CYB5R3: variants seen among roughly 807,000 people sequenced by gnomAD.
CYB5R3 encodes the protein NADH-cytochrome b5 reductase 3.
In CYB5R3, 28 loss-of-function variants were observed where a neutral mutation model predicts 36.5. That is an observed-to-expected ratio of 0.77 (90% CI 0.57 to 1.05). The LOEUF (loss-of-function observed/expected upper bound fraction) is 1.05, where lower values mean the gene tolerates loss of function less well. CYB5R3 is among the 50% of genes least tolerant of loss of function. CYB5R3 has a pLI of 0.00. For missense variants in CYB5R3, 474 were observed against 408.9 expected, an observed-to-expected ratio of 1.16 and a Z score of -1.37; for synonymous variants, 181 against 159.8, an observed-to-expected ratio of 1.13 and a Z score of -1.00.
At chr22:42,627,758 G>C (rs757383164) in intron 5 of CYB5R3, 70 bp from the exon 6 acceptor site, 2 of 1,210,452 alleles carry the variant, frequency 1.7e-6, no homozygotes, top group East Asian at 2.3e-5. Context: ...AGGCTGGAGA[G>C]GGGGCTGGAG....
chr22:42,646,003 T>G (rs1569328846), intron 1 of CYB5R3, among the ~76,000 whole-genome samples: 1 of 152,060 alleles, frequency 6.6e-6, no homozygotes, highest in Non-Finnish European at 1.5e-5. Flanking sequence ...GGGCGAAGGT[T>G]TCACCTCCAG....
At chr22:42,634,195 T>TAA (rs1928760150) in intron 2 of CYB5R3, among the ~76,000 whole-genome samples, 1 of 129,396 alleles carries the variant, frequency 7.7e-6, no homozygotes, top group African/African-American at 3.0e-5. Context: ...CTACTAAAAA[T>TAA]ACAAAAAAAA....
At chr22:42,630,572 C>T (rs1928555495) in intron 4 of CYB5R3, among the ~76,000 whole-genome samples, 1 of 152,246 alleles carries the variant, frequency 6.6e-6, no homozygotes, top group African/African-American at 2.4e-5. Flanking sequence ...TTGCCCTGAA[C>T]CCTGGCCCCT....
rs1927837023 is a variant in CYB5R3 at position 42,619,525 on chromosome 22, G to A, written c.*248C>T. ...GGTCATGAGGACAGGGATGGGGCTG[G>A]GCGTCTCTGGTAAGGACCAGTAAGT... On this transcript the variant is annotated 3_prime_UTR_variant, in exon 9 of 9. Transcript: ENST00000352397. 2 of 566,520 alleles carry A rather than the reference G, an allele frequency of 3.5e-6. No individual in the cohort carries two copies. The highest frequency in any genetic ancestry group is 2.0e-5 in the South Asian group (1 of 48,874). 35.1% of individuals were successfully genotyped at this position (566,520 alleles called of 1,614,324 possible).
chr22:42,631,595 G>T, intron 2 of CYB5R3, 145 bp from the exon 3 acceptor site: 3 of 749,782 alleles, frequency 4.0e-6, no homozygotes, highest in South Asian at 1.5e-5. Flanking sequence ...ACGTGACGCC[G>T]ACGCCAAGCA....
At chr22:42,630,850 C>G in intron 4 of CYB5R3, 32 bp downstream of exon 4, 1 of 1,574,352 alleles carries the variant, frequency 6.4e-7, no homozygotes. Flanking sequence ...CCCACCCACA[C>G]CCCCTCCACA....
intron 8 of CYB5R3, among the ~76,000 whole-genome samples, chr22:42,622,810 G>T (rs2146865924): frequency 6.6e-6 from 1 of 152,374 alleles, no homozygotes. Flanking sequence ...GGAAACTGTG[G>T]GGCCGTAGGA....
intron 1 of CYB5R3, among the ~76,000 whole-genome samples, chr22:42,638,804 G>A (rs1016808448): frequency 2.0e-5 from 3 of 149,112 alleles, no homozygotes; most frequent in Admixed American, 6.8e-5. Flanking sequence ...AGGCTGAGGC[G>A]GGGGGATCAT....
rs767783894 is a variant in CYB5R3 at position 42,637,853 on chromosome 22, T to TGGG, written c.22-1008_22-1007insCCC. Among the ~76,000 whole-genome samples the TGGG allele has an allele frequency of 3.2e-3, 489 of 152,266 alleles. 3 individuals are homozygous for TGGG. The highest frequency in any genetic ancestry group is 5.1e-3 in the Non-Finnish European group (347 of 68,026). On this transcript the variant is annotated intron_variant, in intron 1 of 8. Transcript: ENST00000352397. ...GCTGACCCAGAGTCCACCCATCCCTTATACCACGCTGGGATACCTCATGAC... is the reference window on the plus strand; with the variant it reads ...GCTGACCCAGAGTCCACCCATCCCTTGGGATACCACGCTGGGATACCTCATGAC...
rs62239744 is a variant in CYB5R3, at chr22:42,638,752, G to C, written c.22-1906C>G. Among the ~76,000 whole-genome samples, 170 of 80,388 alleles carry C rather than the reference G, an allele frequency of 2.1e-3. 1 individual carries two copies. Among genetic ancestry groups the C allele is most frequent in the African/African-American group, 0.011 (165 of 15,640 alleles). 52.7% of individuals were successfully genotyped at this position (80,388 alleles called of 152,430 possible). On this transcript the variant is annotated intron_variant, in intron 1 of 8. Coordinates refer to ENST00000352397, the MANE Select transcript of CYB5R3 (RefSeq NM_000398.7). ...ATAAAAAAAAAAAAAAAAAAAAAAG[G>C]CCGGGCGCGGTGGCTCACGCCTGTA...
At chr22:42,620,341 C>T (rs139062546) in intron 8 of CYB5R3, among the ~76,000 whole-genome samples, 6 of 152,218 alleles carry the variant, frequency 3.9e-5, no homozygotes, top group East Asian at 1.9e-4. Flanking sequence ...GGCAGGGACA[C>T]GACTGAGATG....
chr22:42,627,616 G>T lies in CYB5R3; in HGVS notation c.536C>A (p.Ala179Glu). Residue 179 changes from alanine to glutamate, a missense_variant, in exon 6 of 9, where the codon GCG (alanine) becomes GAG (glutamate). Physicochemically the swap from Ala to Glu is moderately radical, Grantham distance 107. Coordinates refer to ENST00000352397, the MANE Select transcript of CYB5R3 (RefSeq NM_000398.7). ...IRTVKSVGMI[A>E]GGTGITPMLQ... ...GGGGTTCCGTGTACCTGTCCCTCCC[G>T]CGATCATGCCCACAGACTTCACTGT... The T allele has an allele frequency of 6.2e-7, 1 of 1,613,988 alleles. No individual in the cohort carries two copies. The highest frequency in any genetic ancestry group is 8.5e-7 in the Non-Finnish European group (1 of 1,179,872).
At chr22:42,636,912 C>T in intron 1 of CYB5R3, 66 bp from the exon 2 acceptor site, 2 of 1,582,696 alleles carry the variant, frequency 1.3e-6, no homozygotes, top group South Asian at 1.1e-5. Context: ...CCGGCTTGTC[C>T]ACACTACCAG....
chr22:42,634,222 G>T (rs1237489053), intron 2 of CYB5R3, among the ~76,000 whole-genome samples: 1 of 150,794 alleles, frequency 6.6e-6, no homozygotes. Flanking sequence ...TTAGCAGGGC[G>T]TGGTGGTGGG....
At chr22:42,645,140 C>T (rs1426330086) in intron 1 of CYB5R3, among the ~76,000 whole-genome samples, 1 of 152,186 alleles carries the variant, frequency 6.6e-6, no homozygotes, top group Non-Finnish European at 1.5e-5. Flanking sequence ...GGCAAGTCCC[C>T]GAATGCTGGC....
At chr22:42,639,900 T>C in intron 1 of CYB5R3, 1 of 1,479,216 alleles carries the variant, frequency 6.8e-7, no homozygotes, top group Non-Finnish European at 9.0e-7. Flanking sequence ...AGCAGTCTGA[T>C]CACACCTGGT....
chr22:42,646,157 G>A (rs958070149), intron 1 of CYB5R3, among the ~76,000 whole-genome samples: 3 of 152,150 alleles, frequency 2.0e-5, no homozygotes, highest in African/African-American at 7.2e-5. Flanking sequence ...AAGGCAGGTG[G>A]CTGAGGCCAA....
rs368519397 is a variant in CYB5R3 at position 42,628,371 on chromosome 22, A to G, written c.334-90T>C. ...AGTGGGAGACAAGTGCCTCTTCTGC[A>G]GCTTCTTCTGAGGCCCACACATGGC... On this transcript the variant is annotated intron_variant, in intron 4 of 8. Coordinates refer to ENST00000352397, the MANE Select transcript of CYB5R3 (RefSeq NM_000398.7). 1.4e-5 allele frequency: 22 copies of G among 1,545,266 alleles called. 1 individual carries two copies. In the South Asian group the frequency reaches 2.5e-4, roughly 17 times the overall value.
intron 1 of CYB5R3, among the ~76,000 whole-genome samples, chr22:42,638,728 T>TTAAAAAAAAAAAA (rs1569324852): frequency 1.1e-3 from 51 of 47,520 alleles, no homozygotes; most frequent in African/African-American, 4.3e-3. Context: ...CAAGACTCCA[T>TTAAAAAAAAAAAA]AAAAAAAAAA....
Sources: gnomAD v4.1 joint callset for allele counts (sites outside exome capture counted in the v4.1 genomes callset) on GRCh38, gnomAD v4.1.1 for gene constraint, MANE v1.5 for transcripts, NCBI Gene and HGNC (gene_info 2026-07-23, HGNC 2026-07-21) for gene names.